Variants in ABCD3 observed in about 807,000 individuals in gnomAD.
The protein encoded by ABCD3 is ATP-binding cassette sub-family D member 3.
ABCD3 carries 41 observed loss-of-function variants against 105.5 expected under a neutral mutation model. The observed-to-expected ratio is 0.39, with a 90% CI of 0.30 to 0.50. The LOEUF is 0.50. Ranked by LOEUF, ABCD3 falls within the 20% of genes least tolerant of loss-of-function variation. ABCD3 has a pLI of 0.84. For missense variants in ABCD3, 622 were observed against 806.3 expected (o/e 0.77, Z 2.77); for synonymous variants, 258 against 269.0 (o/e 0.96, Z 0.40).
chr1:94,386,540 A>G, the ABCD3 span, among the ~76,000 whole-genome samples: 2 of 152,276 alleles, frequency 1.3e-5, no homozygotes, highest in Non-Finnish European at 2.9e-5. Flanking sequence ...ATCCAGTGGA[A>G]GGGAAAATAC....
At chr1:94,499,674 C>T (rs1386629872) in intron 20 of ABCD3, 60 bp downstream of exon 20, 2 of 1,597,714 alleles carry the variant, frequency 1.3e-6, no homozygotes, top group African/African-American at 1.3e-5. Flanking sequence ...TTTGATTAAT[C>T]AGGACACAAA....
the ABCD3 span, among the ~76,000 whole-genome samples, chr1:94,395,838 TGAGA>T: frequency 4.8e-3 from 722 of 149,540 alleles, 3 homozygotes; most frequent in African/African-American, 0.017. Flanking sequence ...TGCACGCGTG[TGAGA>T]GAGAGAGAGA....
At chr1:94,440,079 T>C (rs1660077038) in intron 1 of ABCD3, among the ~76,000 whole-genome samples, 1 of 152,238 alleles carries the variant, frequency 6.6e-6, no homozygotes, top group Non-Finnish European at 1.5e-5. Context: ...CATCATAGGT[T>C]ATAGTTTTTA....
the ABCD3 span, among the ~76,000 whole-genome samples, chr1:94,409,804 C>T: frequency 6.6e-6 from 1 of 152,272 alleles, no homozygotes; most frequent in Non-Finnish European, 1.5e-5. Flanking sequence ...GGAGCAGCAT[C>T]TCAGCCTGGG....
In ABCD3 at chr1:94,418,506, G is replaced by T; in HGVS notation, c.28G>T (p.Ala10Ser). Residue 10 changes from alanine (A) to serine (S), a missense_variant, in exon 1 of 23, where the codon GCG (alanine) becomes TCG (serine). This residue lies in a region of ABCD3 where 89 missense variants were observed against 77.5 expected (regional missense o/e 1.15). Coordinates refer to ENST00000370214, the MANE Select transcript of ABCD3 (RefSeq NM_002858.4). Reference sequence around the variant, plus strand: ...GGCGGCCTTCAGCAAGTACTTGACGGCGCGAAACTCCTCGCTGGCTGGTGC... The same window carrying T: ...GGCGGCCTTCAGCAAGTACTTGACGTCGCGAAACTCCTCGCTGGCTGGTGC... MAAFSKYLT[A>S]RNSSLAGAAF... 6.2e-7 allele frequency: 1 copy of T among 1,605,362 alleles called. No individual in the cohort carries two copies.
In ABCD3 at chr1:94,463,643, C is replaced by T. The variant is rs116279624; in HGVS notation, c.148-1132C>T. Among the ~76,000 whole-genome samples the T allele has an allele frequency of 2.5e-3, 379 of 152,202 alleles. 1 individual carries two copies. Among genetic ancestry groups the T allele is most frequent in the Non-Finnish European group, 3.8e-3 (256 of 68,012 alleles). ...GTCTTGCCTTTTCCAAGAAGTTTCCCCTGTCCTTCCAAACAGTCCAAGAGT... is the reference window on the plus strand; with the variant it reads ...GTCTTGCCTTTTCCAAGAAGTTTCCTCTGTCCTTCCAAACAGTCCAAGAGT... On this transcript the variant is annotated intron_variant, in intron 2 of 22. Transcript: ENST00000370214.
rs1570722703 is a variant in ABCD3 at position 94,418,412 on chromosome 1, C to T, written c.-67C>T. ...CTCCCAGTCTCCCCCGCGCTGCGTGCAGTAAGGTAGCCGCCGCCGCCGCCG... is the reference window on the plus strand; with the variant it reads ...CTCCCAGTCTCCCCCGCGCTGCGTGTAGTAAGGTAGCCGCCGCCGCCGCCG... On this transcript the variant is annotated 5_prime_UTR_variant, in exon 1 of 23. Coordinates refer to ENST00000370214, the MANE Select transcript of ABCD3 (RefSeq NM_002858.4). The T allele has an allele frequency of 2.9e-6, 4 of 1,358,058 alleles. No homozygotes were observed. In the South Asian group the frequency reaches 3.7e-5, roughly 13 times the overall value. The allele number at this position is 1,358,058 out of a possible 1,614,324, so 84.1% of individuals were successfully genotyped here. A position where few individuals can be genotyped will look rare whatever the true frequency, so the allele number is the denominator to read the frequency against.
the ABCD3 span, among the ~76,000 whole-genome samples, chr1:94,399,391 G>T: frequency 6.6e-6 from 1 of 152,200 alleles, no homozygotes; most frequent in Non-Finnish European, 1.5e-5. Context: ...GTATGTAAGG[G>T]CTTTGTCTAC....
chr1:94,470,524 T>C (rs567642950), intron 4 of ABCD3, among the ~76,000 whole-genome samples: 1 of 152,268 alleles, frequency 6.6e-6, no homozygotes, highest in South Asian at 2.1e-4. Context: ...AAATTGTTGA[T>C]GTTGTATTAC....
chr1:94,477,991 G>A lies in ABCD3; in HGVS notation c.628-268G>A, dbSNP rs1457290681. Among the ~76,000 whole-genome samples, 5 of 152,166 alleles carry A rather than the reference G, an allele frequency of 3.3e-5. No individual in the cohort carries two copies. The East Asian group carries it at 9.6e-4, about 29-fold the overall frequency. Reference sequence around the variant, plus strand: ...TTATCACAGTAGAGGTATCTTAGTTGATGGAAAGTGATAAATGTTTTTCCT... The same window carrying A: ...TTATCACAGTAGAGGTATCTTAGTTAATGGAAAGTGATAAATGTTTTTCCT... On this transcript the variant is annotated intron_variant, in intron 7 of 22. Transcript: ENST00000370214.
intron 8 of ABCD3, chr1:94,478,541 G>T (rs1054248199): frequency 1.3e-6 from 2 of 1,598,358 alleles, no homozygotes; most frequent in African/African-American, 1.3e-5. Context: ...GAAAAATTTT[G>T]TGGCATTAAA....
intron 8 of ABCD3, chr1:94,480,231 TGTA>T: frequency 1.8e-6 from 1 of 558,238 alleles, no homozygotes; most frequent in South Asian, 2.2e-5. Context: ...GTGAGCAAAA[TGTA>T]GGAGAGCTGA....
At chr1:94,438,648 C>G (rs1157999233) in intron 1 of ABCD3, among the ~76,000 whole-genome samples, 1 of 152,244 alleles carries the variant, frequency 6.6e-6, no homozygotes, top group East Asian at 1.9e-4. Context: ...ATTGCCACAG[C>G]CACCCCAGCC....
chr1:94,493,340 C>A (rs1300619562), intron 16 of ABCD3, among the ~76,000 whole-genome samples: 2 of 149,566 alleles, frequency 1.3e-5, no homozygotes, highest in African/African-American at 2.5e-5. Flanking sequence ...ACACATGAAA[C>A]AATGCTCACC....
intron 1 of ABCD3, among the ~76,000 whole-genome samples, chr1:94,428,085 T>A (rs1308956823): frequency 2.0e-5 from 3 of 151,926 alleles, no homozygotes; most frequent in East Asian, 3.9e-4. Context: ...TTTTTTTTTT[T>A]ATTTTTTATT....
intron 21 of ABCD3, among the ~76,000 whole-genome samples, chr1:94,508,423 T>C (rs1350854817): frequency 1.3e-5 from 2 of 152,078 alleles, no homozygotes; most frequent in African/African-American, 2.4e-5. Context: ...AGTCAGGTAG[T>C]GTGATGCCTC....
intron 4 of ABCD3, 119 bp downstream of exon 4, chr1:94,468,126 A>G (rs574146727): frequency 1.9e-5 from 15 of 791,130 alleles, no homozygotes; most frequent in Admixed American, 1.8e-4. Context: ...CCCAAGTCAA[A>G]TTATGTGTTT....
At position 94,499,532 on chromosome 1, in the gene ABCD3, A is replaced by G; in HGVS notation, c.1658A>G (p.His553Arg). 1 of 1,613,718 alleles carries G rather than the reference A, an allele frequency of 6.2e-7. No individual in the cohort carries two copies. The highest frequency in any genetic ancestry group is 8.5e-7 in the Non-Finnish European group (1 of 1,179,714). The change falls in exon 20 of 23, where the codon CAT becomes CGT. Residue 553 changes from histidine (H) to arginine (R), a missense_variant. Around this residue, in one of 4 missense-constraint regions of ABCD3, gnomAD observed 285 missense variants for 352.5 expected, o/e 0.81. Transcript: ENST00000370214. ...TACTTAGACAATGTCCAGTTGGGTC[A>G]TATCCTTGAACGTGAAGGAGGCTGG... Reference protein sequence around the residue: ...KEYLDNVQLGHILEREGGWDS... With the variant: ...KEYLDNVQLGRILEREGGWDS...
intron 1 of ABCD3, among the ~76,000 whole-genome samples, chr1:94,453,408 T>G (rs1182175630): frequency 1.3e-5 from 2 of 151,012 alleles, no homozygotes; most frequent in African/African-American, 4.9e-5. Flanking sequence ...AGGCTCCGCC[T>G]CCCGGGTTCA....
Sources: gnomAD v4.1 joint callset for allele counts (sites outside exome capture counted in the v4.1 genomes callset) on GRCh38, gnomAD v4.1.1 for gene constraint, gnomAD v4.1.1 regional missense constraint, MANE v1.5 for transcripts, NCBI Gene and HGNC (gene_info 2026-07-23, HGNC 2026-07-21) for gene names.